The following ZNF407 variants were observed in gnomAD, a reference collection of about 807,000 sequenced individuals.
ZNF407 encodes zinc finger protein 407.
Under a neutral mutation model 131.2 loss-of-function variants are expected in ZNF407, and 17 were observed. The ratio of observed to expected loss-of-function variants is 0.13; its 90% CI spans 0.09 to 0.19. The LOEUF is 0.19. Among genes scored for constraint, ZNF407 ranks in the 10% least tolerant of loss-of-function variants. The pLI, the probability that ZNF407 is intolerant of heterozygous loss-of-function variation, is 1.00. For missense variants in ZNF407, 2,681 were observed against 2,830.6 expected (o/e 0.95, Z 1.20); for synonymous variants, 1,156 against 1,062.0 (o/e 1.09, Z -1.72).
At chr18:74,972,285 A>G (rs181713796) in intron 8 of ZNF407, among the ~76,000 whole-genome samples, 1 of 152,302 alleles carries the variant, frequency 6.6e-6, no homozygotes, top group East Asian at 1.9e-4. Flanking sequence ...TGTCTGAGCC[A>G]GTGGATCTAC....
chr18:74,897,825 G>A (rs1197676628), intron 7 of ZNF407, among the ~76,000 whole-genome samples: 1 of 152,166 alleles, frequency 6.6e-6, no homozygotes, highest in Non-Finnish European at 1.5e-5. Context: ...CATCCCTACA[G>A]TGTGGGGTTG....
At chr18:74,837,882 G>C (rs958596896) in intron 4 of ZNF407, among the ~76,000 whole-genome samples, 1 of 152,148 alleles carries the variant, frequency 6.6e-6, no homozygotes. Flanking sequence ...TTGAACTCCT[G>C]AGCTCAAGCG....
At chr18:74,980,143 T>C (rs1972572008) in intron 8 of ZNF407, among the ~76,000 whole-genome samples, 1 of 152,198 alleles carries the variant, frequency 6.6e-6, no homozygotes, top group African/African-American at 2.4e-5. Flanking sequence ...AGGCTGTTTT[T>C]AACACTAAAA....
At chr18:74,686,496 C>A (rs1473166346) in intron 3 of ZNF407, among the ~76,000 whole-genome samples, 1 of 152,216 alleles carries the variant, frequency 6.6e-6, no homozygotes, top group Non-Finnish European at 1.5e-5. Flanking sequence ...CTGGCCTGTT[C>A]ATTGGCTCCT....
At chr18:74,649,091 C>G (rs1985105438) in intron 3 of ZNF407, among the ~76,000 whole-genome samples, 1 of 152,232 alleles carries the variant, frequency 6.6e-6, no homozygotes, top group Non-Finnish European at 1.5e-5. Flanking sequence ...GTTTCAAGCA[C>G]TGTAGAATAT....
chr18:74,880,536 ATTAT>A (rs1971223199), intron 5 of ZNF407, among the ~76,000 whole-genome samples: 1 of 152,204 alleles, frequency 6.6e-6, no homozygotes, highest in Non-Finnish European at 1.5e-5. Flanking sequence ...TTTAATTCAT[ATTAT>A]TAAGAAGGAA....
At chr18:74,994,137 C>T (rs1483923941) in intron 8 of ZNF407, among the ~76,000 whole-genome samples, 1 of 152,102 alleles carries the variant, frequency 6.6e-6, no homozygotes, top group African/African-American at 2.4e-5. Flanking sequence ...CAGTTTTGTG[C>T]ATTGTTCTGT....
intron 8 of ZNF407, among the ~76,000 whole-genome samples, chr18:75,053,731 T>G (rs1401006236): frequency 6.6e-6 from 1 of 152,260 alleles, no homozygotes; most frequent in East Asian, 1.9e-4. Context: ...AATGTCAGCG[T>G]CCAGTCCGCC....
intron 1 of ZNF407, among the ~76,000 whole-genome samples, chr18:74,628,280 T>C (rs986046858): frequency 1.3e-5 from 2 of 152,162 alleles, no homozygotes; most frequent in East Asian, 1.9e-4. Context: ...TTGAGATATT[T>C]GCAGTTCAGT....
intron 3 of ZNF407, among the ~76,000 whole-genome samples, chr18:74,725,581 T>TG (rs1968138058): frequency 6.6e-6 from 1 of 152,156 alleles, no homozygotes; most frequent in Non-Finnish European, 1.5e-5. Flanking sequence ...TAAAAACTGG[T>TG]GGAAAGTAAC....
intron 8 of ZNF407, among the ~76,000 whole-genome samples, chr18:75,045,550 A>G (rs543734627): frequency 6.6e-5 from 10 of 152,322 alleles, no homozygotes; most frequent in African/African-American, 2.2e-4. Flanking sequence ...GCCTTATGAA[A>G]CAAAAGCACC....
intron 8 of ZNF407, among the ~76,000 whole-genome samples, chr18:75,053,279 G>A (rs1264879368): frequency 6.6e-6 from 1 of 152,214 alleles, no homozygotes; most frequent in Non-Finnish European, 1.5e-5. Context: ...TGTGCACAGT[G>A]CACCAGGTGG....
chr18:74,720,704 ATTC>A (rs1171183800), intron 3 of ZNF407, among the ~76,000 whole-genome samples: 1 of 152,076 alleles, frequency 6.6e-6, no homozygotes, highest in Non-Finnish European at 1.5e-5. Context: ...GTCTAGTTTC[ATTC>A]TTCTGCAAAT....
chr18:74,971,581 A>T (rs1185837776), intron 8 of ZNF407, among the ~76,000 whole-genome samples: 1 of 152,200 alleles, frequency 6.6e-6, no homozygotes, highest in African/African-American at 2.4e-5. Flanking sequence ...CCAGTTCTCA[A>T]CAAGTTCCTC....
At chr18:74,783,829 A>G (rs1969654764) in intron 4 of ZNF407, among the ~76,000 whole-genome samples, 1 of 152,198 alleles carries the variant, frequency 6.6e-6, no homozygotes, top group Non-Finnish European at 1.5e-5. Flanking sequence ...AACGTCTTTG[A>G]CTGAATTGTT....
chr18:74,691,481 A>G (rs1440425717), intron 3 of ZNF407, among the ~76,000 whole-genome samples: 1 of 150,532 alleles, frequency 6.6e-6, no homozygotes, highest in Admixed American at 6.6e-5. Flanking sequence ...TACAAATTTT[A>G]TTGATCTTTT....
chr18:74,816,957 C>CA (rs1970275690), intron 4 of ZNF407, among the ~76,000 whole-genome samples: 1 of 152,024 alleles, frequency 6.6e-6, no homozygotes, highest in Admixed American at 6.6e-5. Context: ...TGTTTGTGCA[C>CA]AAAAAATTTA....
chr18:74,964,710 T>A (rs1972390873), intron 8 of ZNF407, among the ~76,000 whole-genome samples: 2 of 152,152 alleles, frequency 1.3e-5, no homozygotes, highest in Non-Finnish European at 2.9e-5. Flanking sequence ...TACATTTAAT[T>A]TCATTTGCAT....
chr18:74,721,267 C>T (rs771361599), intron 3 of ZNF407, among the ~76,000 whole-genome samples: 25 of 151,892 alleles, frequency 1.6e-4, no homozygotes, highest in Non-Finnish European at 3.5e-4. Context: ...CTGTTGTAAA[C>T]GGGACCACTT....
Sources: gnomAD v4.1 joint callset for allele counts (sites outside exome capture counted in the v4.1 genomes callset) on GRCh38, gnomAD v4.1.1 for gene constraint, MANE v1.5 for transcripts, NCBI Gene and HGNC (gene_info 2026-07-23, HGNC 2026-07-21) for gene names.